Variants in PRC1 observed in about 807,000 individuals in gnomAD.
The protein encoded by PRC1 is anaphase spindle elongation 1 homolog.
A neutral mutation model predicts 91.2 loss-of-function variants in PRC1; 54 were observed. The ratio of observed to expected loss-of-function variants is 0.59; its 90% confidence interval spans 0.48 to 0.74. The LOEUF (loss-of-function observed/expected upper bound fraction) is 0.74. PRC1 is among the 30% of genes least tolerant of loss of function. The pLI, the probability that PRC1 is intolerant of heterozygous loss-of-function variation, is 0.00. For synonymous variants in PRC1, 275 were observed against 263.6 expected (o/e 1.04, Z -0.42); for missense variants, 727 against 746.2 (o/e 0.97, Z 0.30).
chr15:90,966,945 G>C lies in PRC1; in HGVS notation c.*186C>G. 1 of 612,952 alleles carries C rather than the reference G, an allele frequency of 1.6e-6. No individual in the cohort carries two copies. Among genetic ancestry groups the C allele is most frequent in the Non-Finnish European group, 2.9e-6 (1 of 345,420 alleles). 38.0% of individuals were successfully genotyped at this position (612,952 alleles called of 1,614,324 possible). ...TATAAGTCAAAACCAAGTCTCCTAG[G>C]ACCACTAAACCTATGATGGGCTTTC... is the stretch of plus-strand genomic sequence containing the variant. On this transcript the variant is annotated 3_prime_UTR_variant, in exon 15 of 15. Transcript: ENST00000394249.
Position 90,974,735 on chromosome 15 carries a change from A to C in PRC1, c.1204-4T>G. On this transcript the variant is annotated splice_region_variant and splice_polypyrimidine_tract_variant and intron_variant, in intron 9 of 14. Coordinates refer to ENST00000394249, the MANE Select transcript of PRC1 (RefSeq NM_003981.4). This position sits in a 1 kb window ranked among gnomAD's most constrained non-coding sequence, Gnocchi z 4.6. ...GTGCCTTCAACTCTTCTTCCAGCTG[A>C]GACCAGAAACAAGGACATGTTAATT... The C allele has an allele frequency of 1.2e-6, 2 of 1,614,176 alleles. No homozygotes were observed. Among genetic ancestry groups the C allele is most frequent in the Non-Finnish European group, 1.7e-6 (2 of 1,180,014 alleles).
In PRC1 at chr15:90,979,285, G is replaced by T; in HGVS notation, c.980C>A (p.Thr327Lys). The T allele has an allele frequency of 6.2e-7, 1 of 1,613,474 alleles. No individual in the cohort carries two copies. The highest frequency in any genetic ancestry group is 8.5e-7 in the Non-Finnish European group (1 of 1,179,824). ...AFAPFCAEDY[T>K]ESLLQLHDAE... is the part of the protein sequence containing the mutation. Reference sequence around the variant, plus strand: ...ATCGTGGAGCTGGAGCAGACTTTCTGTGTAGTCCTCTGCAAAATATAGGCC... The same window carrying T: ...ATCGTGGAGCTGGAGCAGACTTTCTTTGTAGTCCTCTGCAAAATATAGGCC... The change falls in exon 8 of 15, where the codon ACA becomes AAA. Residue 327 changes from threonine to lysine, a missense_variant. Thr to Lys is a moderately conservative substitution (Grantham distance 78). Coordinates refer to ENST00000394249, the MANE Select transcript of PRC1 (RefSeq NM_003981.4).
At chr15:90,976,558 A>T (rs1186781098) in intron 9 of PRC1, 118 bp downstream of exon 9, 2 of 830,802 alleles carry the variant, frequency 2.4e-6, no homozygotes, top group African/African-American at 3.5e-5. Flanking sequence ...ATAACTTATT[A>T]TCTCTGCCTA....
chr15:90,990,373 T>A (rs957629670), intron 1 of PRC1, among the ~76,000 whole-genome samples: 4 of 139,578 alleles, frequency 2.9e-5, no homozygotes, highest in Non-Finnish European at 4.5e-5. Context: ...ATAAAATAAA[T>A]AAATAAATAA....
intron 7 of PRC1, 69 bp from the exon 8 acceptor site, chr15:90,979,363 C>T (rs1034471316): frequency 1.1e-5 from 17 of 1,497,758 alleles, no homozygotes; most frequent in South Asian, 3.7e-5. Context: ...TACGAATCCC[C>T]GATTCCCTAA....
intron 13 of PRC1, 141 bp downstream of exon 13, chr15:90,969,306 C>T (rs2037840188): frequency 5.5e-6 from 7 of 1,264,570 alleles, no homozygotes; most frequent in Non-Finnish European, 6.6e-6. Flanking sequence ...ACCCACCCTG[C>T]CATGGTCAAA....
Position 90,981,934 on chromosome 15 carries a change from G to A in PRC1, c.315C>T (p.Thr105=). ...TILQLEKDLR[T]QVELMRKQKK... ...TCTGTTTTCGCATCAATTCCACTTG[G>A]GTGCGCAAATCTTTTTCTAGTTGCA... Residue 105 remains threonine (T), a synonymous_variant, in exon 4 of 15, where the codon ACC becomes ACT. Coordinates refer to ENST00000394249, the MANE Select transcript of PRC1 (RefSeq NM_003981.4). 1.2e-6 allele frequency: 2 copies of A among 1,614,058 alleles called. No individual in the cohort carries two copies. Among genetic ancestry groups the A allele is most frequent in the Non-Finnish European group, 1.7e-6 (2 of 1,180,018 alleles).
At chr15:90,992,216 T>C (rs937499871) in intron 1 of PRC1, among the ~76,000 whole-genome samples, 12 of 152,156 alleles carry the variant, frequency 7.9e-5, no homozygotes, top group Non-Finnish European at 1.5e-4. Context: ...CCTTCAGTAC[T>C]TCTTAACCTC....
At position 90,966,465 on chromosome 15, in the gene PRC1, C is replaced by T. The variant is rs1019379325; in HGVS notation, c.*666G>A. 4 of 395,370 alleles carry T rather than the reference C, an allele frequency of 1.0e-5. No individual in the cohort carries two copies. The highest frequency in any genetic ancestry group is 7.9e-5 in the East Asian group (1 of 12,704). The allele number at this position is 395,370 out of a possible 1,614,324, so 24.5% of individuals were successfully genotyped here. Reference sequence around the variant, plus strand: ...GAGATGAGAGCCAAGGGACAAACGCCGAGAAAGCGTTCCGACAAGCATGTG... The same window carrying T: ...GAGATGAGAGCCAAGGGACAAACGCTGAGAAAGCGTTCCGACAAGCATGTG... On this transcript the variant is annotated 3_prime_UTR_variant, in exon 15 of 15. Coordinates refer to ENST00000394249, the MANE Select transcript of PRC1 (RefSeq NM_003981.4).
intron 3 of PRC1, among the ~76,000 whole-genome samples, chr15:90,983,013 T>A (rs760585559): frequency 1.3e-5 from 2 of 152,180 alleles, no homozygotes; most frequent in Non-Finnish European, 2.9e-5. Context: ...CATTGTGAAC[T>A]AGGAACATCA....
rs571723207 is a variant in PRC1, at chr15:90,978,945, A to G, written c.1107+213T>C. Among the ~76,000 whole-genome samples, 28 of 152,090 alleles carry G rather than the reference A, an allele frequency of 1.8e-4. No individual in the cohort carries two copies. In the South Asian group the frequency reaches 5.8e-3, roughly 32 times the overall value. ...ACCTCTGAACCTCATTCATGCAAGA[A>G]ATGCCTACCTTATTTAAGCCATTAA... is the stretch of plus-strand genomic sequence containing the variant. On this transcript the variant is annotated intron_variant, in intron 8 of 14. Transcript: ENST00000394249.
chr15:90,975,826 G>A (rs1400599911), intron 9 of PRC1, among the ~76,000 whole-genome samples: 2 of 151,950 alleles, frequency 1.3e-5, no homozygotes, highest in Admixed American at 6.6e-5. Context: ...TCTTGCGGGG[G>A]GAAAAAAGAA....
In PRC1 at chr15:90,989,892, G is replaced by A. The variant is rs544642985; in HGVS notation, c.11+4515C>T. 2.5e-4 allele frequency among the ~76,000 whole-genome samples: 38 copies of A among 152,090 alleles called. No homozygotes were observed. The South Asian group carries it at 7.3e-3, about 29-fold the overall frequency. On this transcript the variant is annotated intron_variant, in intron 1 of 14. Transcript: ENST00000394249. ...GGTTTGTATGGTTTTTTGAGACAGG[G>A]TCTCCCTCTTTCACCTAGGCTGGAG...
In PRC1 at chr15:90,974,537, G is replaced by A. The variant is rs779861707; in HGVS notation, c.1350+48C>T. ...CCCGGCAGAGACTATGGGCTGCTCA[G>A]ATTACTTTCTTCGTCTTTTCCCAAT... On this transcript the variant is annotated intron_variant, in intron 10 of 14. Transcript: ENST00000394249. This position sits in a 1 kb window ranked among gnomAD's most constrained non-coding sequence, Gnocchi z 4.6. 1 of 1,611,304 alleles carries A rather than the reference G, an allele frequency of 6.2e-7. No individual in the cohort carries two copies. Among genetic ancestry groups the A allele is most frequent in the African/African-American group, 1.3e-5 (1 of 74,708 alleles).
At chr15:90,986,546 C>T (rs1009835602) in intron 1 of PRC1, among the ~76,000 whole-genome samples, 3 of 152,186 alleles carry the variant, frequency 2.0e-5, no homozygotes, top group Non-Finnish European at 4.4e-5. Context: ...CGCTTGAACC[C>T]GGGAGGCAGG....
At chr15:90,981,444 G>T (rs759415488) in intron 5 of PRC1, 55 bp downstream of exon 5, 1 of 1,579,314 alleles carries the variant, frequency 6.3e-7, no homozygotes, top group Non-Finnish European at 8.7e-7. Flanking sequence ...TGTCAGTTTT[G>T]TTCAAACTGC....
intron 1 of PRC1, among the ~76,000 whole-genome samples, chr15:90,991,180 C>T (rs1043310855): frequency 4.0e-5 from 6 of 151,816 alleles, no homozygotes; most frequent in Non-Finnish European, 8.8e-5. Flanking sequence ...CTTTGGGAGG[C>T]CAAGGCGGGC....
rs559912483 is a variant in PRC1, at chr15:90,984,637, G to A, written c.144+56C>T. 6.3e-7 allele frequency: 1 copy of A among 1,599,944 alleles called. No individual in the cohort carries two copies. The highest frequency in any genetic ancestry group is 1.3e-5 in the African/African-American group (1 of 74,604). On this transcript the variant is annotated intron_variant, in intron 2 of 14. Transcript: ENST00000394249. This position sits in a 1 kb window ranked among gnomAD's most constrained non-coding sequence, Gnocchi z 5.1. ...GTCCCTTCTGTATGCTATCTCGGGTGAGACACCAACATCCTTACCCTGGTC... is the reference window on the plus strand; with the variant it reads ...GTCCCTTCTGTATGCTATCTCGGGTAAGACACCAACATCCTTACCCTGGTC...
At chr15:90,980,526 T>A in intron 6 of PRC1, 137 bp from the exon 7 acceptor site, 1 of 1,074,660 alleles carries the variant, frequency 9.3e-7, no homozygotes, top group Non-Finnish European at 1.3e-6. Context: ...TTTTTTTTTT[T>A]TTTTTTTTTT....
Sources: gnomAD v4.1 joint callset for allele counts (sites outside exome capture counted in the v4.1 genomes callset) on GRCh38, gnomAD v4.1.1 for gene constraint, Gnocchi (gnomAD v3.1) non-coding constraint, MANE v1.5 for transcripts, NCBI Gene and HGNC (gene_info 2026-07-23, HGNC 2026-07-21) for gene names.